PTPRD: variants seen among roughly 807,000 people sequenced by gnomAD.
PTPRD encodes protein tyrosine phosphatase receptor type D.
A neutral mutation model predicts 214.5 loss-of-function variants in PTPRD; 34 were observed. The observed-to-expected ratio is 0.16, with a 90% confidence interval of 0.12 to 0.21. The LOEUF (loss-of-function observed/expected upper bound fraction) is 0.21, where lower values mean the gene tolerates loss of function less well. Among genes scored for constraint, PTPRD ranks in the 10% least tolerant of loss-of-function variants. PTPRD has a pLI of 1.00. For synonymous variants in PTPRD, 1,128 were observed against 845.7 expected, an observed-to-expected ratio of 1.33 and a Z score of -5.79; for missense variants, 2,545 against 2,398.7, an observed-to-expected ratio of 1.06 and a Z score of -1.27.
intron 23 of PTPRD, among the ~76,000 whole-genome samples, chr9:8,502,623 A>G (rs1231079004): frequency 6.6e-6 from 1 of 152,080 alleles, no homozygotes; most frequent in African/African-American, 2.4e-5. Context: ...ACTATTTTAC[A>G]TGCATTATCA....
At chr9:9,159,596 T>C (rs1389394338) in intron 10 of PTPRD, among the ~76,000 whole-genome samples, 1 of 152,072 alleles carries the variant, frequency 6.6e-6, no homozygotes. Flanking sequence ...TGTTCATGGA[T>C]TGGAAGAACT....
In PTPRD at chr9:9,992,098, G is replaced by T. The variant is rs906748800; in HGVS notation, c.-472+41620C>A. Among the ~76,000 whole-genome samples, 13 of 152,246 alleles carry T rather than the reference G, an allele frequency of 8.5e-5. No homozygotes were observed. In the East Asian group the frequency reaches 2.5e-3, roughly 29 times the overall value. ...TTGTCTAGACCTGGAGGCTGTGGGC[G>T]GTAGAATGGACGAGACTGCTAATGG... On this transcript the variant is annotated intron_variant, in intron 4 of 45. Transcript: ENST00000381196.
intron 7 of PTPRD, among the ~76,000 whole-genome samples, chr9:9,616,110 A>G (rs1409806163): frequency 6.6e-6 from 1 of 152,214 alleles, no homozygotes; most frequent in Non-Finnish European, 1.5e-5. Flanking sequence ...TGCCAAATTG[A>G]TACGGTAATA....
At chr9:10,594,789 C>G (rs10809129) in intron 2 of PTPRD, among the ~76,000 whole-genome samples, 39,238 of 151,674 alleles carry the variant, frequency 0.26, 5,796 homozygotes, top group Admixed American at 0.34. Flanking sequence ...GGCAGCTGGG[C>G]ATAAAATATT....
chr9:9,236,875 C>G (rs10977600), intron 9 of PTPRD, among the ~76,000 whole-genome samples: 21,096 of 152,012 alleles, frequency 0.14, 1,544 homozygotes, highest in Non-Finnish European at 0.15. Context: ...AATGTGTTGT[C>G]TAAGCTTTTC....
chr9:9,177,822 C>T (rs1372230769), intron 10 of PTPRD, among the ~76,000 whole-genome samples: 1 of 151,992 alleles, frequency 6.6e-6, no homozygotes. Context: ...CATCTTAAAA[C>T]ATATAAAAGA....
At position 8,435,104 on chromosome 9, in the gene PTPRD, T is replaced by C. The variant is rs566866175; in HGVS notation, c.4086+1488A>G. Among the ~76,000 whole-genome samples, 10 of 152,304 alleles carry C rather than the reference T, an allele frequency of 6.6e-5. No individual in the cohort carries two copies. The South Asian group carries it at 2.1e-3, about 32-fold the overall frequency. The stretch of plus-strand genomic sequence containing the variant: ...AATATGTGACAAAGATGCTGCAGTA[T>C]GCAAACTGAATGAAACGTGGTCTGG... On this transcript the variant is annotated intron_variant, in intron 35 of 45. Transcript: ENST00000381196.
chr9:8,741,644 T>C (rs10124559), intron 11 of PTPRD, among the ~76,000 whole-genome samples: 100,526 of 141,340 alleles, frequency 0.71, 35,536 homozygotes, highest in Middle Eastern at 0.78. Context: ...AGTGCAGTGG[T>C]GTGATCTCGG....
In PTPRD at chr9:8,629,430, A is replaced by C. The variant is rs544344263; in HGVS notation, c.352+3887T>G. 2.6e-5 allele frequency among the ~76,000 whole-genome samples: 4 copies of C among 152,004 alleles called. No individual in the cohort carries two copies. The East Asian group carries it at 5.8e-4, about 22-fold the overall frequency. The stretch of plus-strand genomic sequence containing the variant: ...TTTCCTGCTGATATCTTTAGTCAGG[A>C]AGAAATTGTGACCAGCAAACTAACG... On this transcript the variant is annotated intron_variant, in intron 14 of 45. Transcript: ENST00000381196.
At chr9:10,603,123 A>G (rs1459299160) in intron 2 of PTPRD, among the ~76,000 whole-genome samples, 3 of 151,856 alleles carry the variant, frequency 2.0e-5, no homozygotes, top group Non-Finnish European at 2.9e-5. Context: ...AACTGAATGA[A>G]TTAATCTTCC....
intron 8 of PTPRD, among the ~76,000 whole-genome samples, chr9:9,457,802 A>G (rs960339909): frequency 1.3e-5 from 2 of 151,972 alleles, no homozygotes; most frequent in Non-Finnish European, 2.9e-5. Flanking sequence ...ACTGGGACAA[A>G]TTATGTATGT....
At chr9:9,260,827 G>C (rs544423301) in intron 9 of PTPRD, among the ~76,000 whole-genome samples, 8 of 151,968 alleles carry the variant, frequency 5.3e-5, no homozygotes, top group African/African-American at 1.7e-4. Flanking sequence ...AAACCGTGCA[G>C]AAATACAAGG....
At chr9:10,261,007 T>C (rs1314333052) in intron 3 of PTPRD, among the ~76,000 whole-genome samples, 3 of 147,878 alleles carry the variant, frequency 2.0e-5, no homozygotes, top group Non-Finnish European at 4.5e-5. Flanking sequence ...TGTGTATATA[T>C]GTATATATGT....
At chr9:8,525,929 C>T (rs2089344241) in intron 17 of PTPRD, among the ~76,000 whole-genome samples, 1 of 151,854 alleles carries the variant, frequency 6.6e-6, no homozygotes, top group Admixed American at 6.6e-5. Context: ...CTTTTGTTTC[C>T]ATAGCCTGAA....
chr9:9,024,637 T>C (rs2099581305), intron 10 of PTPRD, among the ~76,000 whole-genome samples: 1 of 151,804 alleles, frequency 6.6e-6, no homozygotes, highest in African/African-American at 2.4e-5. Context: ...AAATTATATC[T>C]TTTATTATTT....
At chr9:10,109,050 G>T (rs2098665065) in intron 3 of PTPRD, among the ~76,000 whole-genome samples, 1 of 151,992 alleles carries the variant, frequency 6.6e-6, no homozygotes, top group Non-Finnish European at 1.5e-5. Flanking sequence ...ACTAAAACAG[G>T]CTACTGTATC....
At chr9:10,494,580 G>T (rs10121929) in intron 2 of PTPRD, among the ~76,000 whole-genome samples, 2,498 of 149,916 alleles carry the variant, frequency 0.017, 61 homozygotes, top group African/African-American at 0.058. Flanking sequence ...TTGTTTACCT[G>T]CTGTATGTAA....
intron 8 of PTPRD, among the ~76,000 whole-genome samples, chr9:9,450,514 ATTT>A (rs1569568439): frequency 6.6e-6 from 1 of 151,630 alleles, no homozygotes; most frequent in African/African-American, 2.4e-5. Flanking sequence ...TCCCATAGCT[ATTT>A]TTCTTAATCA....
intron 2 of PTPRD, among the ~76,000 whole-genome samples, chr9:10,480,570 A>C (rs1046975765): frequency 1.3e-5 from 2 of 152,132 alleles, no homozygotes; most frequent in African/African-American, 4.8e-5. Flanking sequence ...GAAAGCATGC[A>C]AAAGACAATG....
Sources: allele counts gnomAD v4.1 joint callset (sites outside exome capture counted in the v4.1 genomes callset), GRCh38; gene constraint gnomAD v4.1.1; transcripts MANE v1.5; gene names NCBI Gene and HGNC (gene_info 2026-07-23, HGNC 2026-07-21).